Variants in EIF3K observed in about 807,000 individuals in gnomAD.
EIF3K encodes eIF-3 p28.
Under a neutral mutation model 34.2 loss-of-function variants are expected in EIF3K, and 27 were observed. The ratio of observed to expected loss-of-function variants is 0.79; its 90% CI spans 0.58 to 1.09. The LOEUF (loss-of-function observed/expected upper bound fraction) is 1.09, where lower values mean the gene tolerates loss of function less well. EIF3K is among the 50% of genes least tolerant of loss of function. The pLI is 0.00. For synonymous variants in EIF3K, 105 were observed against 105.7 expected (o/e 0.99, Z 0.04); for missense variants, 232 against 275.4 (o/e 0.84, Z 1.11).
intron 4 of EIF3K, chr19:38,632,128 A>G: frequency 5.8e-6 from 2 of 342,974 alleles, no homozygotes; most frequent in South Asian, 6.9e-5. Flanking sequence ...TAAGATTACC[A>G]GTGTAGGCTG....
At position 38,633,689 on chromosome 19, in the gene EIF3K, T is replaced by TA. The variant is rs554558521; in HGVS notation, c.499+1022dup. 1.9e-3 allele frequency among the ~76,000 whole-genome samples: 252 copies of TA among 136,072 alleles called. 3 individuals carry two copies. In the South Asian group the frequency reaches 0.023, roughly 13 times the overall value. 89.3% of individuals were successfully genotyped at this position (136,072 alleles called of 152,430 possible). ...CTAGTGATAAGATCGAAACTCCATC[T>TA]AAAAAAAAAAAGAAACTAAGGAAGG... On this transcript the variant is annotated intron_variant, in intron 6 of 7. Coordinates refer to ENST00000248342, the MANE Select transcript of EIF3K (RefSeq NM_013234.4).
chr19:38,635,668 A>G (rs1279047038), intron 7 of EIF3K: 1 of 155,880 alleles, frequency 6.4e-6, no homozygotes, highest in African/African-American at 2.4e-5. Flanking sequence ...ACCTCATGGC[A>G]TCATAAGTGT....
Position 38,635,065 on chromosome 19 carries a change from G to A in EIF3K, c.572G>A (p.Ser191Asn). ...ADESGQIFIC[S>N]QEESIKPKNI... ...GAGTCGGGGCAGATCTTCATCTGTA[G>A]CCAAGAAGAGAGCATTAAACCCAAG... The change falls in exon 7 of 8, where the codon AGC becomes AAC. Residue 191 changes from serine to asparagine, a missense_variant. Transcript: ENST00000248342. The A allele has an allele frequency of 6.2e-7, 1 of 1,614,230 alleles. No homozygotes were observed.
chr19:38,630,399 C>G (rs999155858), intron 4 of EIF3K, among the ~76,000 whole-genome samples: 2 of 146,266 alleles, frequency 1.4e-5, no homozygotes, highest in African/African-American at 5.0e-5. Context: ...GGCTGGAGTT[C>G]AGTGGCACAA....
chr19:38,629,543 G>A (rs962535885), intron 4 of EIF3K, among the ~76,000 whole-genome samples: 3 of 152,152 alleles, frequency 2.0e-5, no homozygotes, highest in African/African-American at 7.2e-5. Context: ...TGATCCTCCT[G>A]CCTCGCCTCC....
intron 3 of EIF3K, among the ~76,000 whole-genome samples, chr19:38,625,081 G>A (rs375590043): frequency 8.5e-5 from 13 of 152,240 alleles, no homozygotes; most frequent in African/African-American, 1.7e-4. Context: ...AGCAGAGCTC[G>A]GTGCTGTCTT....
chr19:38,619,472 C>A, intron 1 of EIF3K, 145 bp downstream of exon 1: 3 of 908,534 alleles, frequency 3.3e-6, no homozygotes, highest in African/African-American at 1.7e-5. Context: ...CTTAAAGAAA[C>A]GGCACTGAGC....
chr19:38,630,979 T>A (rs1302761638), intron 4 of EIF3K: 2 of 152,244 alleles, frequency 1.3e-5, no homozygotes, highest in African/African-American at 4.8e-5. Flanking sequence ...CCTGGCTGAT[T>A]TCTTTATTTT....
Position 38,619,243 on chromosome 19 carries a change from C to T in EIF3K, c.-26C>T. Reference sequence around the variant, plus strand: ...TGCCGGGTCAGTGTTAGCCTCCAGCCCTGGTTGTGGAAGGCGACAGAAGTC... The same window carrying T: ...TGCCGGGTCAGTGTTAGCCTCCAGCTCTGGTTGTGGAAGGCGACAGAAGTC... On this transcript the variant is annotated 5_prime_UTR_variant, in exon 1 of 8. Transcript: ENST00000248342. The T allele has an allele frequency of 6.2e-7, 1 of 1,613,626 alleles. No homozygotes were observed. The highest frequency in any genetic ancestry group is 8.5e-7 in the Non-Finnish European group (1 of 1,179,670).
At chr19:38,636,743 A>T in intron 7 of EIF3K, 146 bp from the exon 8 acceptor site, 2 of 891,262 alleles carry the variant, frequency 2.2e-6, no homozygotes, top group Non-Finnish European at 3.7e-6. Context: ...TTTTTAAAAT[A>T]CTGCACCAAA....
At chr19:38,625,926 G>T in intron 3 of EIF3K, 102 bp from the exon 4 acceptor site, 1 of 1,107,722 alleles carries the variant, frequency 9.0e-7, no homozygotes. Context: ...CTGAGCTGAA[G>T]CTTTGGAAGA....
At chr19:38,627,670 C>G (rs539787557) in intron 4 of EIF3K, among the ~76,000 whole-genome samples, 4 of 149,870 alleles carry the variant, frequency 2.7e-5, no homozygotes, top group Admixed American at 2.6e-4. Flanking sequence ...AGTGAGACTC[C>G]GTCTCAAAAA....
intron 7 of EIF3K, chr19:38,635,374 C>A: frequency 5.6e-6 from 3 of 535,270 alleles, no homozygotes; most frequent in Non-Finnish European, 9.9e-6. Flanking sequence ...TGGGGCCCAG[C>A]GGGGCCTCAC....
intron 4 of EIF3K, chr19:38,628,419 C>T (rs1206923137): frequency 6.6e-6 from 1 of 152,454 alleles, no homozygotes; most frequent in Non-Finnish European, 1.5e-5. Context: ...ACCGCTTCCT[C>T]CTAGCTTCTC....
intron 6 of EIF3K, 43 bp downstream of exon 6, chr19:38,632,721 G>GT: frequency 6.4e-7 from 1 of 1,565,678 alleles, no homozygotes; most frequent in South Asian, 1.2e-5. Context: ...GAGGTTGGGG[G>GT]TGGCTAGGGC....
chr19:38,632,295 G>A (rs1976086464), intron 4 of EIF3K, 135 bp from the exon 5 acceptor site: 6 of 777,816 alleles, frequency 7.7e-6, no homozygotes, highest in African/African-American at 1.8e-5. Context: ...GGGGGCTGAG[G>A]CAGGAAGATC....
intron 2 of EIF3K, among the ~76,000 whole-genome samples, chr19:38,622,438 T>G (rs1975862208): frequency 6.6e-6 from 1 of 152,190 alleles, no homozygotes; most frequent in African/African-American, 2.4e-5. Context: ...TTAGGGATTT[T>G]CAAAAGGGGA....
chr19:38,632,945 G>A lies in EIF3K; in HGVS notation c.499+267G>A, dbSNP rs1976102104. 7.1e-6 allele frequency: 3 copies of A among 422,480 alleles called. No individual in the cohort carries two copies. In the South Asian group the frequency reaches 1.5e-4, roughly 21 times the overall value. The allele number at this position is 422,480 out of a possible 1,614,324, so 26.2% of individuals were successfully genotyped here. ...CGTGCAGCAGTAAACAAAGTGGGATGGCTCCAATTCATTCTCATGGAGGTA... is the reference window on the plus strand; with the variant it reads ...CGTGCAGCAGTAAACAAAGTGGGATAGCTCCAATTCATTCTCATGGAGGTA... On this transcript the variant is annotated intron_variant, in intron 6 of 7. Transcript: ENST00000248342.
At chr19:38,634,885 C>G in intron 6 of EIF3K, 108 bp from the exon 7 acceptor site, 1 of 1,504,604 alleles carries the variant, frequency 6.6e-7, no homozygotes, top group South Asian at 1.2e-5. Flanking sequence ...TGTCAGTGGG[C>G]AAGGGGGGCT....
Sources: gnomAD v4.1 joint callset for allele counts (sites outside exome capture counted in the v4.1 genomes callset) on GRCh38, gnomAD v4.1.1 for gene constraint, MANE v1.5 for transcripts, NCBI Gene and HGNC (gene_info 2026-07-23, HGNC 2026-07-21) for gene names.